Variants in SMYD5 observed in about 807,000 individuals in gnomAD.
SMYD5 encodes the protein protein-lysine N-trimethyltransferase SMYD5.
Under a neutral mutation model 57.4 loss-of-function variants are expected in SMYD5, and 35 were observed. The ratio of observed to expected loss-of-function variants is 0.61; its 90% CI spans 0.47 to 0.81. The LOEUF is 0.81. Among genes scored for constraint, SMYD5 ranks in the 30% least tolerant of loss-of-function variants. The pLI is 0.00. For missense variants in SMYD5, 471 were observed against 527.9 expected, an observed-to-expected ratio of 0.89 and a Z score of 1.06; for synonymous variants, 198 against 189.7, an observed-to-expected ratio of 1.04 and a Z score of -0.36.
chr2:73,214,461 G>A, intron 1 of SMYD5, 99 bp downstream of exon 1: 2 of 1,579,790 alleles, frequency 1.3e-6, no homozygotes, highest in Non-Finnish European at 8.6e-7. Flanking sequence ...CTTCTGTGCC[G>A]CTCGGACGCT....
chr2:73,215,539 T>C lies in SMYD5; in HGVS notation c.96+1177T>C, dbSNP rs566655322. On this transcript the variant is annotated intron_variant, in intron 1 of 12. Coordinates refer to ENST00000389501, the MANE Select transcript of SMYD5 (RefSeq NM_006062.3). Reference sequence around the variant, plus strand: ...GTCTCCTTACCTGTTCCTATCTCCATCTCCATAGTCTCTAGTGCTCCTGGG... The same window carrying C: ...GTCTCCTTACCTGTTCCTATCTCCACCTCCATAGTCTCTAGTGCTCCTGGG... Among the ~76,000 whole-genome samples the C allele has an allele frequency of 4.6e-5, 7 of 152,308 alleles. No individual in the cohort carries two copies. In the South Asian group the frequency reaches 1.5e-3, roughly 32 times the overall value.
chr2:73,225,158 A>C, intron 11 of SMYD5, 198 bp downstream of exon 11: 1 of 558,216 alleles, frequency 1.8e-6, no homozygotes, highest in Non-Finnish European at 3.2e-6. Flanking sequence ...TGACTCCAGA[A>C]AGCCTCAGGA....
In SMYD5 at chr2:73,221,809, A is replaced by G. The variant is rs1294785637; in HGVS notation, c.538-17A>G. ...AGGTGGGTATCTGTGACCCTTAAGT[A>G]TGTTTGTTCACTGCAGGCGAAGGAC... On this transcript the variant is annotated splice_polypyrimidine_tract_variant and intron_variant, in intron 5 of 12. Transcript: ENST00000389501. The G allele has an allele frequency of 3.8e-6, 6 of 1,582,454 alleles. No homozygotes were observed. Among genetic ancestry groups the G allele is most frequent in the African/African-American group, 1.3e-5 (1 of 74,208 alleles).
Position 73,221,210 on chromosome 2 carries a change from T to C in SMYD5, c.513T>C (p.Ala171=). The change falls in exon 5 of 13, where the codon GCT becomes GCC. Residue 171 remains alanine, a synonymous_variant. Transcript: ENST00000389501. ...PPETASIMLM[A]RMVATVKQAK... The stretch of plus-strand genomic sequence containing the variant: ...AGACTGCAAGCATCATGTTGATGGC[T>C]AGGATGGTGGCCACAGTGAAGCAGG... 1 of 1,613,986 alleles carries C rather than the reference T, an allele frequency of 6.2e-7. No individual in the cohort carries two copies.
chr2:73,225,436 T>C, intron 11 of SMYD5, 195 bp from the exon 12 acceptor site: 1 of 667,478 alleles, frequency 1.5e-6, no homozygotes, highest in Non-Finnish European at 2.7e-6. Flanking sequence ...AGGCACAGGC[T>C]GTTGGAGCCT....
rs1222303171 is a variant in SMYD5, at chr2:73,225,645, C to G, written c.1050C>G (p.Ser350Arg). ...CTGCCCTACAGGAAATTTGTATCAGCTACTTGGACTGCTGTCAGCGGGAGC... is the reference window on the plus strand; with the variant it reads ...CTGCCCTACAGGAAATTTGTATCAGGTACTTGGACTGCTGTCAGCGGGAGC... ...DIKPGEEICI[S>R]YLDCCQRERS... The change falls in exon 12 of 13, where the codon AGC (serine) becomes AGG (arginine). Residue 350 changes from serine to arginine, a missense_variant. Coordinates refer to ENST00000389501, the MANE Select transcript of SMYD5 (RefSeq NM_006062.3). 1.2e-6 allele frequency: 2 copies of G among 1,614,068 alleles called. No individual in the cohort carries two copies. The highest frequency in any genetic ancestry group is 2.7e-5 in the African/African-American group (2 of 74,942).
Position 73,220,681 on chromosome 2 carries a change from A to G in SMYD5, c.366A>G (p.Glu122=). The G allele has an allele frequency of 1.9e-6, 3 of 1,614,054 alleles. No individual in the cohort carries two copies. The highest frequency in any genetic ancestry group is 2.5e-6 in the Non-Finnish European group (3 of 1,180,010). The part of the protein sequence containing the change: ...PHCQVMYCSA[E]CRLAATEQYH... ...AACAGGTGATGTACTGCAGTGCAGA[A>G]TGTCGGTTGGCAGCCACTGAGCAAT... The change falls in exon 4 of 13, where the codon GAA becomes GAG. Residue 122 remains glutamate (E), a synonymous_variant. Transcript: ENST00000389501.
chr2:73,225,109 C>T, intron 11 of SMYD5, 149 bp downstream of exon 11: 1 of 619,382 alleles, frequency 1.6e-6, no homozygotes, highest in Non-Finnish European at 2.9e-6. Flanking sequence ...TCTTTCAGCT[C>T]ATGGTTAGGT....
At chr2:73,214,972 T>G (rs1438699119) in intron 1 of SMYD5, 2 of 322,968 alleles carry the variant, frequency 6.2e-6, no homozygotes, top group African/African-American at 4.5e-5. Context: ...TCTATACTTG[T>G]GCAAAGATGA....
chr2:73,218,936 C>G lies in SMYD5; in HGVS notation c.172C>G (p.Gln58Glu), dbSNP rs1344836530. ...CGTAGAACGGCCCCTGGTGGCTGCA[C>G]AGTTTCTCTGGAATGCACTTTATCG... Reference protein sequence around the residue: ...IFVERPLVAAQFLWNALYRYR... With the variant: ...IFVERPLVAAEFLWNALYRYR... The change falls in exon 2 of 13, where the codon CAG becomes GAG. Residue 58 changes from glutamine to glutamate, a missense_variant. Transcript: ENST00000389501. 1 of 1,614,088 alleles carries G rather than the reference C, an allele frequency of 6.2e-7. No homozygotes were observed. Among genetic ancestry groups the G allele is most frequent in the South Asian group, 1.1e-5 (1 of 91,084 alleles).
Position 73,220,410 on chromosome 2 carries a change from G to T in SMYD5, c.345+220G>T, listed in dbSNP as rs151261442. 1.8e-4 allele frequency among the ~76,000 whole-genome samples: 28 copies of T among 152,214 alleles called. No homozygotes were observed. In the East Asian group the frequency reaches 5.4e-3, roughly 29 times the overall value. On this transcript the variant is annotated intron_variant, in intron 3 of 12. Transcript: ENST00000389501. ...TGGGCTTGGTGGGAGCTGGAAAATG[G>T]GCTTGGTGGGAGCTTGCTTTCTTCC... is the stretch of plus-strand genomic sequence containing the variant.
At chr2:73,220,856 C>T in intron 4 of SMYD5, 74 bp downstream of exon 4, 2 of 1,544,074 alleles carry the variant, frequency 1.3e-6, no homozygotes, top group Non-Finnish European at 8.8e-7. Context: ...TCAGGTGTTG[C>T]CGTCTTTCTT....
In SMYD5 at chr2:73,225,618, C is replaced by G. The variant is rs760670176; in HGVS notation, c.1036-13C>G. Reference sequence around the variant, plus strand: ...GAGCACAGACCATCAGACTGCACTTCTCTGCCCTACAGGAAATTTGTATCA... The same window carrying G: ...GAGCACAGACCATCAGACTGCACTTGTCTGCCCTACAGGAAATTTGTATCA... On this transcript the variant is annotated splice_polypyrimidine_tract_variant and intron_variant, in intron 11 of 12. Transcript: ENST00000389501. 8.7e-6 allele frequency: 14 copies of G among 1,613,570 alleles called. No individual in the cohort carries two copies. Among genetic ancestry groups the G allele is most frequent in the Non-Finnish European group, 1.2e-5 (14 of 1,179,602 alleles).
At chr2:73,223,625 A>C (rs1686444370) in intron 9 of SMYD5, 93 bp downstream of exon 9, 1 of 893,206 alleles carries the variant, frequency 1.1e-6, no homozygotes, top group Non-Finnish European at 1.9e-6. Context: ...GCTCTGAATT[A>C]ATGGTGGGGG....
chr2:73,223,100 G>C lies in SMYD5; in HGVS notation c.770G>C (p.Gly257Ala). ...ALVGTNGQGI[G>A]TSSLSQWVHA... ...GTTGGGACCAATGGCCAAGGAATCG[G>C]GACCAGGTTAGAATGTTCCAGAGCT... Residue 257 changes from glycine to alanine, a missense_variant, in exon 8 of 13, where the codon GGG becomes GCG. By Grantham distance (60) the Gly-to-Ala change is moderately conservative. Transcript: ENST00000389501. 6.2e-7 allele frequency: 1 copy of C among 1,613,852 alleles called. No homozygotes were observed. The highest frequency in any genetic ancestry group is 1.7e-5 in the Admixed American group (1 of 60,028).
At chr2:73,219,981 G>A in intron 2 of SMYD5, 70 bp from the exon 3 acceptor site, 1 of 1,597,858 alleles carries the variant, frequency 6.3e-7, no homozygotes, top group Non-Finnish European at 8.6e-7. Context: ...CAGCTGCTCT[G>A]TAGGGCTGTG....
chr2:73,225,767 T>G, intron 12 of SMYD5, 29 bp from the exon 13 acceptor site: 2 of 1,614,030 alleles, frequency 1.2e-6, no homozygotes, highest in South Asian at 2.2e-5. Context: ...TCCCTGACTT[T>G]TCCCCCTCAC....
In SMYD5 at chr2:73,226,121, C is replaced by T; in HGVS notation, c.*175C>T. 1 of 853,270 alleles carries T rather than the reference C, an allele frequency of 1.2e-6. No individual in the cohort carries two copies. Among genetic ancestry groups the T allele is most frequent in the Non-Finnish European group, 1.8e-6 (1 of 567,976 alleles). The allele number at this position is 853,270 out of a possible 1,614,324, so 52.9% of individuals were successfully genotyped here. ...ATCTCTGGCCCCAACCCCCACCAGA[C>T]CTCATGCCCTGGACACTGCTGCTGA... On this transcript the variant is annotated 3_prime_UTR_variant, in exon 13 of 13. Coordinates refer to ENST00000389501, the MANE Select transcript of SMYD5 (RefSeq NM_006062.3).
At chr2:73,219,532 C>T (rs1245421748) in intron 2 of SMYD5, among the ~76,000 whole-genome samples, 1 of 152,178 alleles carries the variant, frequency 6.6e-6, no homozygotes, top group African/African-American at 2.4e-5. Context: ...CAGGCACACA[C>T]AACCATGTCC....
Sources: gnomAD v4.1 joint callset for allele counts (sites outside exome capture counted in the v4.1 genomes callset) on GRCh38, gnomAD v4.1.1 for gene constraint, MANE v1.5 for transcripts, NCBI Gene and HGNC (gene_info 2026-07-23, HGNC 2026-07-21) for gene names.